BTG4: variants seen among roughly 807,000 people sequenced by gnomAD.
BTG4 encodes the protein protein BTG4.
A neutral mutation model predicts 19.3 loss-of-function variants in BTG4; 10 were observed. The ratio of observed to expected loss-of-function variants is 0.52; its 90% confidence interval spans 0.32 to 0.88. The LOEUF is 0.88. BTG4 is among the 40% of genes least tolerant of loss of function. The pLI is 0.04. For missense variants in BTG4, 238 were observed against 281.9 expected (o/e 0.84, Z 1.11); for synonymous variants, 91 against 95.7 (o/e 0.95, Z 0.29).
chr11:111,501,611 C>G (rs1300016918), intron 1 of BTG4, among the ~76,000 whole-genome samples: 2 of 152,046 alleles, frequency 1.3e-5, no homozygotes, highest in Non-Finnish European at 2.9e-5. Context: ...TATTCTAGTA[C>G]AGTAGACAAA....
chr11:111,453,445 G>A, the BTG4 span: 30 of 456,552 alleles, frequency 6.6e-5, no homozygotes, highest in African/African-American at 6.0e-4. Context: ...TCGGAAGGCT[G>A]CTCCCCACCC....
the BTG4 span, chr11:111,456,455 G>A: frequency 2.2e-6 from 1 of 452,494 alleles, no homozygotes; most frequent in East Asian, 7.0e-5. This position sits in a 1 kb window ranked among gnomAD's most constrained non-coding sequence, Gnocchi z 4.2. Flanking sequence ...GTCCCCGCAT[G>A]TTCCCTCTCC....
intron 5 of BTG4, among the ~76,000 whole-genome samples, chr11:111,482,221 T>C (rs1415321530): frequency 6.6e-6 from 1 of 152,018 alleles, no homozygotes; most frequent in Non-Finnish European, 1.5e-5. Flanking sequence ...TATAACACCA[T>C]TTATAATTGA....
chr11:111,513,062 G>C (rs746373367), upstream of BTG4: 2 of 452,694 alleles, frequency 4.4e-6, no homozygotes, highest in Admixed American at 2.4e-5. Context: ...CGCCGGCTCG[G>C]GCAGCCCGCA....
At chr11:111,486,977 G>A (rs1283719453) in intron 5 of BTG4, among the ~76,000 whole-genome samples, 4 of 148,848 alleles carry the variant, frequency 2.7e-5, no homozygotes, top group South Asian at 4.3e-4. Context: ...CCCTCCCCCC[G>A]CCTCCTCCCT....
chr11:111,511,399 C>A (rs1866900145), intron 1 of BTG4, among the ~76,000 whole-genome samples: 1 of 152,180 alleles, frequency 6.6e-6, no homozygotes. Flanking sequence ...ATTGAATGAT[C>A]CAGATGACCT....
At chr11:111,508,457 C>G (rs918839356) in intron 1 of BTG4, among the ~76,000 whole-genome samples, 3 of 151,308 alleles carry the variant, frequency 2.0e-5, no homozygotes, top group Admixed American at 6.6e-5. Flanking sequence ...CCTCTTTAAT[C>G]TTATTTCCCC....
chr11:111,474,855 C>G (rs981886353), intron 5 of BTG4, among the ~76,000 whole-genome samples: 2 of 152,078 alleles, frequency 1.3e-5, no homozygotes, highest in African/African-American at 4.8e-5. Context: ...TGTGGTATCT[C>G]AATGTAGTTT....
chr11:111,448,381 T>C, the BTG4 span: 1 of 152,604 alleles, frequency 6.6e-6, no homozygotes, highest in African/African-American at 2.4e-5. Flanking sequence ...CCCTGTGGGA[T>C]CGTGGGTGAC....
the BTG4 span, among the ~76,000 whole-genome samples, chr11:111,422,716 C>A: frequency 1.3e-5 from 2 of 152,166 alleles, no homozygotes; most frequent in African/African-American, 4.8e-5. Context: ...CTCCCGAGGC[C>A]AGAAACAGGA....
At chr11:111,447,515 C>A in the BTG4 span, among the ~76,000 whole-genome samples, 1 of 152,174 alleles carries the variant, frequency 6.6e-6, no homozygotes, top group Non-Finnish European at 1.5e-5. Context: ...GCTGGCTTTG[C>A]CTTGCAGAAG....
chr11:111,514,678 A>C, upstream of BTG4: 1 of 821,634 alleles, frequency 1.2e-6, no homozygotes, highest in Non-Finnish European at 1.8e-6. Context: ...TAGGAAACCG[A>C]GGGCAGCCGG....
At chr11:111,454,166 T>C in the BTG4 span, 4 of 403,478 alleles carry the variant, frequency 9.9e-6, no homozygotes, top group Non-Finnish European at 1.9e-5. Context: ...AGAAGATGCA[T>C]GGAAGATCTG....
chr11:111,441,888 A>T, the BTG4 span, among the ~76,000 whole-genome samples: 6 of 151,944 alleles, frequency 3.9e-5, no homozygotes, highest in Admixed American at 3.9e-4. Context: ...GTGAAACCCC[A>T]TCTCTACTAA....
the BTG4 span, chr11:111,399,195 C>A: frequency 6.6e-6 from 1 of 152,222 alleles, no homozygotes; most frequent in African/African-American, 2.4e-5. Context: ...TGGAGGCTTT[C>A]ATTACCTTTG....
At chr11:111,513,470 T>C (rs777574451), upstream of BTG4, 7 of 534,420 alleles carry the variant, frequency 1.3e-5, no homozygotes, top group South Asian at 9.8e-5. Context: ...AGTTAGCTGA[T>C]TGCTAATAGT....
At chr11:111,497,955 G>A (rs1169945715) in intron 3 of BTG4, 43 bp downstream of exon 3, 1 of 1,592,304 alleles carries the variant, frequency 6.3e-7, no homozygotes, top group African/African-American at 1.3e-5. Context: ...CTAACTTAAG[G>A]TTTCCAGGTA....
the BTG4 span, among the ~76,000 whole-genome samples, chr11:111,418,963 T>C: frequency 2.0e-5 from 3 of 152,212 alleles, no homozygotes; most frequent in Non-Finnish European, 4.4e-5. Flanking sequence ...GGTTGTTTCT[T>C]CTGGGAGCTC....
intron 4 of BTG4, chr11:111,496,886 T>C (rs1865767980): frequency 5.5e-6 from 1 of 181,360 alleles, no homozygotes; most frequent in Admixed American, 1.7e-4. Flanking sequence ...GTATTTTCAA[T>C]TGACAGAAAA....
Sources: gnomAD v4.1 joint callset for allele counts (sites outside exome capture counted in the v4.1 genomes callset) on GRCh38, gnomAD v4.1.1 for gene constraint, Gnocchi (gnomAD v3.1) non-coding constraint, MANE v1.5 for transcripts, NCBI Gene and HGNC (gene_info 2026-07-23, HGNC 2026-07-21) for gene names.